Variants in PCDH15 observed in about 807,000 individuals in gnomAD.
The protein encoded by PCDH15 is protocadherin related 15, also known as protocadherin-15.
Under a neutral mutation model 178.5 loss-of-function variants are expected in PCDH15, and 129 were observed. The observed-to-expected ratio is 0.72, with a 90% CI of 0.63 to 0.84. The LOEUF (loss-of-function observed/expected upper bound fraction) is 0.84. PCDH15 is among the 40% of genes least tolerant of loss of function. PCDH15 has a pLI of 0.00. For missense variants in PCDH15, 2,230 were observed against 2,099.9 expected (o/e 1.06, Z -1.21); for synonymous variants, 800 against 732.0 (o/e 1.09, Z -1.50).
chr10:54,655,207 C>CA (rs918978620), intron 2 of PCDH15, among the ~76,000 whole-genome samples: 5 of 121,056 alleles, frequency 4.1e-5, no homozygotes, highest in Admixed American at 2.1e-4. Flanking sequence ...GAGACTCCGT[C>CA]AAAAAAAAGG....
Position 54,345,801 on chromosome 10 carries a change from C to CAAAAA in PCDH15, c.594+559_594+563dup, listed in dbSNP as rs540507383. Among the ~76,000 whole-genome samples, 81 of 52,476 alleles carry CAAAAA rather than the reference C, an allele frequency of 1.5e-3. 1 individual carries two copies. Among genetic ancestry groups the CAAAAA allele is most frequent in the Admixed American group, 4.2e-3 (10 of 2,362 alleles). The allele number at this position is 52,476 out of a possible 152,430, so 34.4% of individuals were successfully genotyped here. On this transcript the variant is annotated intron_variant, in intron 6 of 37. Coordinates refer to ENST00000644397, the MANE Select transcript of PCDH15 (RefSeq NM_001384140.1). ...TGGGCAACAGAGCGAGACTCCGTCT[C>CAAAAA]AAAAAAAAAAAAAAAAAAAAAAAAA...
intron 1 of PCDH15, among the ~76,000 whole-genome samples, chr10:55,193,584 A>G (rs1264087346): frequency 6.6e-6 from 1 of 151,952 alleles, no homozygotes; most frequent in Non-Finnish European, 1.5e-5. Flanking sequence ...TCAGAAGAAA[A>G]TAAATGTAAA....
intron 1 of PCDH15, among the ~76,000 whole-genome samples, chr10:55,262,290 A>AG (rs1842165959): frequency 1.3e-5 from 2 of 152,164 alleles, no homozygotes; most frequent in South Asian, 4.2e-4. Flanking sequence ...TGGGTAGAGA[A>AG]GGGCAGGTCC....
chr10:54,108,053 A>G (rs2136220685), intron 15 of PCDH15, among the ~76,000 whole-genome samples: 1 of 152,260 alleles, frequency 6.6e-6, no homozygotes, highest in Middle Eastern at 3.4e-3. Context: ...CTGCATGGGA[A>G]GGGTGTCAGT....
intron 8 of PCDH15, among the ~76,000 whole-genome samples, chr10:54,260,765 T>C (rs2057260893): frequency 6.6e-6 from 1 of 152,086 alleles, no homozygotes; most frequent in Non-Finnish European, 1.5e-5. Context: ...CTACGACTAC[T>C]ACTACTACAG....
At chr10:54,202,530 G>T (rs1190914548) in intron 10 of PCDH15, among the ~76,000 whole-genome samples, 1 of 151,966 alleles carries the variant, frequency 6.6e-6, no homozygotes, top group East Asian at 1.9e-4. Context: ...CAGATTCCCT[G>T]GGCCAGGCGC....
chr10:55,257,979 T>C lies in PCDH15; in HGVS notation c.-156+61620A>G, dbSNP rs545015706. Among the ~76,000 whole-genome samples, 86 of 152,314 alleles carry C rather than the reference T, an allele frequency of 5.6e-4. 4 individuals carry two copies. The South Asian group carries it at 0.017, about 30-fold the overall frequency. ...TGTTAAGGGCAGCCAGAGAGAAAGG[T>C]TGGGTTATCCACAAAGGGAAGCCCA... On this transcript the variant is annotated intron_variant, in intron 1 of 5. Coordinates refer to the PCDH15 transcript ENST00000458638.
At chr10:53,987,463 A>G (rs2091186389) in intron 21 of PCDH15, among the ~76,000 whole-genome samples, 1 of 152,216 alleles carries the variant, frequency 6.6e-6, no homozygotes, top group South Asian at 2.1e-4. Flanking sequence ...ATAGGTTTAA[A>G]TATGGAAAAT....
intron 8 of PCDH15, among the ~76,000 whole-genome samples, chr10:54,304,361 A>T (rs369011289): frequency 1.0e-3 from 154 of 152,248 alleles, no homozygotes; most frequent in African/African-American, 3.6e-3. Flanking sequence ...GCAAATCTAC[A>T]TTAGGAAGAG....
intron 15 of PCDH15, among the ~76,000 whole-genome samples, chr10:54,118,779 T>C (rs2095162836): frequency 3.8e-5 from 2 of 52,116 alleles, no homozygotes; most frequent in Non-Finnish European, 6.4e-5. Context: ...TTTATTTTTA[T>C]TTTTTTTTGT....
At chr10:53,827,215 A>ATTAT (rs2076736913) in intron 32 of PCDH15, among the ~76,000 whole-genome samples, 178 bp downstream of exon 32, 2 of 152,060 alleles carry the variant, frequency 1.3e-5, no homozygotes, top group East Asian at 3.9e-4. Context: ...GGTTTTGGCT[A>ATTAT]TTATTTTTCA....
upstream of PCDH15, among the ~76,000 whole-genome samples, chr10:55,324,126 C>A (rs1412122694): frequency 6.6e-6 from 1 of 152,136 alleles, no homozygotes; most frequent in Non-Finnish European, 1.5e-5. Context: ...GCATCCTCAG[C>A]CATGATTTTG....
intron 9 of PCDH15, among the ~76,000 whole-genome samples, chr10:54,215,376 A>G (rs2051903337): frequency 6.6e-6 from 1 of 152,216 alleles, no homozygotes; most frequent in Non-Finnish European, 1.5e-5. Context: ...TCACACCATT[A>G]AAACCGACTG....
At chr10:54,121,737 C>T (rs903326295) in intron 15 of PCDH15, among the ~76,000 whole-genome samples, 2 of 151,992 alleles carry the variant, frequency 1.3e-5, no homozygotes, top group African/African-American at 4.8e-5. Context: ...CACACAACCT[C>T]TCAAGATTGA....
At chr10:55,000,008 C>T (rs1477894556) in intron 2 of PCDH15, among the ~76,000 whole-genome samples, 6 of 152,108 alleles carry the variant, frequency 3.9e-5, no homozygotes, top group African/African-American at 1.4e-4. Flanking sequence ...CAAATGGAGG[C>T]AGGGCGAGAT....
At chr10:55,565,479 CAAG>C (rs1294280095) in intron 2 of PCDH15, among the ~76,000 whole-genome samples, 1 of 151,014 alleles carries the variant, frequency 6.6e-6, no homozygotes, top group Non-Finnish European at 1.5e-5. Context: ...AAACTGAAGG[CAAG>C]AAGAAGAAAG....
intron 10 of PCDH15, among the ~76,000 whole-genome samples, chr10:54,198,714 G>T (rs917837296): frequency 4.2e-5 from 4 of 95,372 alleles, no homozygotes; most frequent in South Asian, 3.0e-4. Flanking sequence ...TTTTAGCCGG[G>T]ATGGTCTCGA....
intron 5 of PCDH15, among the ~76,000 whole-genome samples, chr10:54,351,775 T>G (rs1452912121): frequency 6.6e-6 from 1 of 152,128 alleles, no homozygotes; most frequent in African/African-American, 2.4e-5. Flanking sequence ...TTTGCTTCCA[T>G]GAAGAAAAAT....
At chr10:54,640,254 A>G (rs1241313718) in intron 2 of PCDH15, among the ~76,000 whole-genome samples, 1 of 152,124 alleles carries the variant, frequency 6.6e-6, no homozygotes, top group Non-Finnish European at 1.5e-5. Flanking sequence ...TAAAATCAGA[A>G]AAAATGTAAA....
Sources: allele counts gnomAD v4.1 joint callset (sites outside exome capture counted in the v4.1 genomes callset), GRCh38; gene constraint gnomAD v4.1.1; transcripts MANE v1.5; gene names NCBI Gene and HGNC (gene_info 2026-07-23, HGNC 2026-07-21).